Variants in SOCS7 observed in about 807,000 individuals in gnomAD.
SOCS7 encodes NAP-4.
A neutral mutation model predicts 58.9 loss-of-function variants in SOCS7; 18 were observed. That is an observed-to-expected ratio of 0.31 (90% CI 0.21 to 0.45). The LOEUF (loss-of-function observed/expected upper bound fraction) is 0.45, where lower values mean the gene tolerates loss of function less well. Among genes scored for constraint, SOCS7 ranks in the 20% least tolerant of loss-of-function variants. The pLI is 1.00. For missense variants in SOCS7, 667 were observed against 837.3 expected, an observed-to-expected ratio of 0.80 and a Z score of 2.51; for synonymous variants, 388 against 364.3, an observed-to-expected ratio of 1.06 and a Z score of -0.74.
intron 6 of SOCS7, among the ~76,000 whole-genome samples, chr17:38,370,812 A>G (rs1000586876): frequency 1.6e-4 from 25 of 151,804 alleles, no homozygotes; most frequent in African/African-American, 5.8e-4. Flanking sequence ...CACCATGCCC[A>G]GCTAATTTTT....
intron 7 of SOCS7, among the ~76,000 whole-genome samples, chr17:38,390,122 A>G (rs942093292): frequency 6.0e-5 from 9 of 151,168 alleles, no homozygotes; most frequent in Admixed American, 2.0e-4. Context: ...AAGGAGTCCA[A>G]CTTTATTCTT....
chr17:38,359,781 T>A (rs954925021), intron 1 of SOCS7, among the ~76,000 whole-genome samples: 1 of 150,952 alleles, frequency 6.6e-6, no homozygotes, highest in Admixed American at 6.6e-5. Flanking sequence ...AATTTTTAAT[T>A]AAAAAAAATT....
Position 38,403,247 on chromosome 17 carries a change from G to A in SOCS7, c.*3765G>A, listed in dbSNP as rs118104419. The A allele has an allele frequency of 2.6e-5, 4 of 152,368 alleles. No homozygotes were observed. Among genetic ancestry groups the A allele is most frequent in the Non-Finnish European group, 5.9e-5 (4 of 68,082 alleles). The allele number at this position is 152,368 out of a possible 1,614,324, so 9.4% of individuals were successfully genotyped here. On this transcript the variant is annotated 3_prime_UTR_variant, in exon 10 of 10. Coordinates refer to ENST00000612932, the MANE Select transcript of SOCS7 (RefSeq NM_014598.4). Reference sequence around the variant, plus strand: ...AATGATGTAAGCCCCCCTTGAGGTTGGGGATGGTGTGGAGATAGCTGCAGA... The same window carrying A: ...AATGATGTAAGCCCCCCTTGAGGTTAGGGATGGTGTGGAGATAGCTGCAGA...
rs2144298265 is a variant in SOCS7, at chr17:38,352,067, G to C, written c.15G>C (p.Glu5Asp). Among the ~76,000 whole-genome samples the C allele has an allele frequency of 6.6e-6, 1 of 151,278 alleles. No individual in the cohort carries two copies. Among genetic ancestry groups the C allele is most frequent in the East Asian group, 2.0e-4 (1 of 5,128 alleles). ...CCCTCTCCCCGATGCAGGAGGCCGA[G>C]CTCCGGGATGGCGAGGCGGCGGCGG... MQEA[E>D]LRDGEAAAAA... Residue 5 changes from glutamate to aspartate, a missense_variant, in exon 1 of 10, where the codon GAG (glutamate) becomes GAC (aspartate). Transcript: ENST00000612932. This position sits in a 1 kb window ranked among gnomAD's most constrained non-coding sequence, Gnocchi z 5.5.
chr17:38,352,613 G>T lies in SOCS7; in HGVS notation c.561G>T (p.Glu187Asp). ...ALLVLEGLES[E>D]AESLETNSCS... Reference sequence around the variant, plus strand: ...TGGTCCTGGAGGGCTTGGAATCGGAGGCCGAGAGCCTGGAGACTAACAGCT... The same window carrying T: ...TGGTCCTGGAGGGCTTGGAATCGGATGCCGAGAGCCTGGAGACTAACAGCT... Residue 187 changes from glutamate (E) to aspartate (D), a missense_variant, in exon 1 of 10, where the codon GAG becomes GAT. Glu to Asp is a conservative substitution (Grantham distance 45, BLOSUM62 2). Coordinates refer to ENST00000612932, the MANE Select transcript of SOCS7 (RefSeq NM_014598.4). This position sits in a 1 kb window ranked among gnomAD's most constrained non-coding sequence, Gnocchi z 5.5. The T allele has an allele frequency of 1.3e-6, 2 of 1,550,094 alleles. No homozygotes were observed. Among genetic ancestry groups the T allele is most frequent in the Non-Finnish European group, 8.7e-7 (1 of 1,146,862 alleles).
chr17:38,363,688 G>A lies in SOCS7; in HGVS notation c.1046-1064G>A, dbSNP rs587733575. On this transcript the variant is annotated intron_variant, in intron 2 of 9. Coordinates refer to ENST00000612932, the MANE Select transcript of SOCS7 (RefSeq NM_014598.4). Reference sequence around the variant, plus strand: ...TGTTTATCTTAATTAGTATTCAAGAGCTTTGTAAAAAAACTGTGTATTTAG... The same window carrying A: ...TGTTTATCTTAATTAGTATTCAAGAACTTTGTAAAAAAACTGTGTATTTAG... 7.2e-5 allele frequency among the ~76,000 whole-genome samples: 11 copies of A among 152,144 alleles called. No individual in the cohort carries two copies. The South Asian group carries it at 2.3e-3, about 32-fold the overall frequency.
At chr17:38,392,693 G>A (rs930365291) in intron 7 of SOCS7, among the ~76,000 whole-genome samples, 3 of 152,186 alleles carry the variant, frequency 2.0e-5, no homozygotes, top group African/African-American at 7.2e-5. Context: ...GGGTGGGAGT[G>A]CCAGGGAGGG....
intron 6 of SOCS7, among the ~76,000 whole-genome samples, chr17:38,369,533 G>A (rs1451578085): frequency 6.6e-6 from 1 of 152,166 alleles, no homozygotes; most frequent in African/African-American, 2.4e-5. Context: ...AAAATGTGAA[G>A]CGGAGCATTT....
Position 38,382,766 on chromosome 17 carries a change from C to T in SOCS7, c.1681+4924C>T, listed in dbSNP as rs184971588. 1.6e-4 allele frequency among the ~76,000 whole-genome samples: 25 copies of T among 152,172 alleles called. No individual in the cohort carries two copies. The East Asian group carries it at 4.3e-3, about 26-fold the overall frequency. ...CCTCCCAAAGTGCTGAGATTACAGG[C>T]GTGAGCCACCACGCTTGGCGGAATT... On this transcript the variant is annotated intron_variant, in intron 7 of 9. Coordinates refer to ENST00000612932, the MANE Select transcript of SOCS7 (RefSeq NM_014598.4).
In SOCS7 at chr17:38,403,544, G is replaced by C. The variant is rs1184566436; in HGVS notation, c.*4062G>C. ...TTGGAGCCCTAAAGTTAGTGGACAA[G>C]ACACTGGGATAAAGCTCTATGGCTG... On this transcript the variant is annotated 3_prime_UTR_variant, in exon 10 of 10. Transcript: ENST00000612932. 1 of 152,228 alleles carries C rather than the reference G, an allele frequency of 6.6e-6. No individual in the cohort carries two copies. Among genetic ancestry groups the C allele is most frequent in the Non-Finnish European group, 1.5e-5 (1 of 68,092 alleles). 9.4% of individuals were successfully genotyped at this position (152,228 alleles called of 1,614,324 possible).
intron 2 of SOCS7, among the ~76,000 whole-genome samples, chr17:38,362,421 T>C (rs932888096): frequency 5.3e-5 from 8 of 152,348 alleles, no homozygotes; most frequent in Admixed American, 6.5e-5. Context: ...CCTTCTGTTA[T>C]GTCAGTCACA....
intron 1 of SOCS7, among the ~76,000 whole-genome samples, chr17:38,357,096 G>A (rs2037650343): frequency 6.6e-6 from 1 of 151,856 alleles, no homozygotes; most frequent in South Asian, 2.1e-4. Context: ...CTATTTATTT[G>A]GGGGGGAAAA....
intron 7 of SOCS7, among the ~76,000 whole-genome samples, chr17:38,394,067 C>T (rs187009616): frequency 2.5e-4 from 38 of 152,286 alleles, no homozygotes; most frequent in Middle Eastern, 3.4e-3. Context: ...TCTTGTTTAC[C>T]TTCCATAGCC....
chr17:38,366,056 C>T (rs1436098512), intron 4 of SOCS7: 87 of 1,312,436 alleles, frequency 6.6e-5, no homozygotes, highest in Admixed American at 7.2e-5. Flanking sequence ...CTCCCCTCCC[C>T]CTTTCTTGGG....
rs1183385056 is a variant in SOCS7, at chr17:38,389,869, A to G, written c.1682-5440A>G. Reference sequence around the variant, plus strand: ...TTTTGTTTGGTGTGTATGTGTGTACATATATATATATATGTACATATATAT... The same window carrying G: ...TTTTGTTTGGTGTGTATGTGTGTACGTATATATATATATGTACATATATAT... On this transcript the variant is annotated intron_variant, in intron 7 of 9. Transcript: ENST00000612932. Among the ~76,000 whole-genome samples, 165 of 89,866 alleles carry G rather than the reference A, an allele frequency of 1.8e-3. 5 individuals carry two copies. Among genetic ancestry groups the G allele is most frequent in the African/African-American group, 8.7e-3 (152 of 17,394 alleles). The allele number at this position is 89,866 out of a possible 152,430, so 59.0% of individuals were successfully genotyped here. A position where few individuals can be genotyped will look rare whatever the true frequency, so the allele number is the denominator to read the frequency against.
intron 6 of SOCS7, among the ~76,000 whole-genome samples, chr17:38,377,357 T>G (rs964241242): frequency 5.9e-5 from 9 of 152,210 alleles, no homozygotes; most frequent in Admixed American, 2.6e-4. Context: ...GCACTTTGGA[T>G]TTCAGAGTTT....
chr17:38,352,554 G>A lies in SOCS7; in HGVS notation c.502G>A (p.Gly168Arg), dbSNP rs759650127. ...GCCGCCTGCTGCCGCCCCGCAGGCC[G>A]GGGAGGACCCCACGGAAACGAGCGA... ...PQPPAAAPQA[G>R]EDPTETSDAL... Residue 168 changes from glycine (G) to arginine (R), a missense_variant, in exon 1 of 10, where the codon GGG (glycine) becomes AGG (arginine). Physicochemically the swap from Gly to Arg is moderately radical, Grantham distance 125. Around this residue, in one of 9 missense-constraint regions of SOCS7, gnomAD observed 154 missense variants for 156.3 expected, o/e 0.98. Coordinates refer to ENST00000612932, the MANE Select transcript of SOCS7 (RefSeq NM_014598.4). The surrounding 1 kb of genome is among the most constrained non-coding windows in gnomAD (Gnocchi z 5.5). 2 of 1,549,392 alleles carry A rather than the reference G, an allele frequency of 1.3e-6. No homozygotes were observed. Among genetic ancestry groups the A allele is most frequent in the African/African-American group, 2.7e-5 (2 of 73,040 alleles).
intron 3 of SOCS7, 24 bp downstream of exon 3, chr17:38,364,880 C>T (rs372624325): frequency 6.5e-6 from 10 of 1,534,714 alleles, no homozygotes; most frequent in African/African-American, 4.1e-5. Flanking sequence ...CCCTCTCCAC[C>T]TTCTTGCCTA....
chr17:38,387,800 C>T (rs1391246668), intron 7 of SOCS7, among the ~76,000 whole-genome samples: 1 of 135,216 alleles, frequency 7.4e-6, no homozygotes, highest in African/African-American at 2.9e-5. Flanking sequence ...GACAGAGTCT[C>T]ACTCTGTCAC....
Sources: allele counts gnomAD v4.1 joint callset (sites outside exome capture counted in the v4.1 genomes callset), GRCh38; gene constraint gnomAD v4.1.1; regional missense constraint gnomAD v4.1.1; non-coding constraint Gnocchi (gnomAD v3.1); transcripts MANE v1.5; gene names NCBI Gene and HGNC (gene_info 2026-07-23, HGNC 2026-07-21).